The following GSE1 variants were observed in gnomAD, a reference collection of about 807,000 sequenced individuals.
The protein encoded by GSE1 is genetic suppressor element 1.
GSE1 carries 32 observed loss-of-function variants against 112.6 expected under a neutral mutation model. The ratio of observed to expected loss-of-function variants is 0.28; its 90% CI spans 0.21 to 0.38. GSE1 has a LOEUF of 0.38. GSE1 is among the 10% of genes least tolerant of loss of function. GSE1 has a pLI of 1.00. For synonymous variants in GSE1, 1,115 were observed against 735.6 expected (o/e 1.52, Z -8.35); for missense variants, 2,348 against 1,699.2 (o/e 1.38, Z -6.71).
chr16:85,188,181 T>C (rs559585529), intron 1 of GSE1, among the ~76,000 whole-genome samples: 1 of 152,246 alleles, frequency 6.6e-6, no homozygotes, highest in Admixed American at 6.5e-5. Context: ...CCAGTGCTCA[T>C]CTGAGAGACG....
In GSE1 at chr16:85,663,464, A is replaced by G. The variant is rs139274094; in HGVS notation, c.2494A>G (p.Ile832Val). The change falls in exon 11 of 16, where the codon ATT becomes GTT. Residue 832 changes from isoleucine (I) to valine (V), a missense_variant. Physicochemically the swap from Ile to Val is conservative, Grantham distance 29 (BLOSUM62 3). Coordinates refer to ENST00000253458, the MANE Select transcript of GSE1 (RefSeq NM_014615.5). Reference sequence around the variant, plus strand: ...AGAGAGAAGCCCGTCGCCCCCAACAATTCAGAGCAAGCGGCAGACGCCTTC... The same window carrying G: ...AGAGAGAAGCCCGTCGCCCCCAACAGTTCAGAGCAAGCGGCAGACGCCTTC... Reference protein sequence around the residue: ...LRERSPSPPTIQSKRQTPSPR... With the variant: ...LRERSPSPPTVQSKRQTPSPR... 2.5e-6 allele frequency: 4 copies of G among 1,613,806 alleles called. No homozygotes were observed. The highest frequency in any genetic ancestry group is 3.4e-6 in the Non-Finnish European group (4 of 1,180,028).
At chr16:85,536,988 T>C (rs2044352066) in intron 2 of GSE1, among the ~76,000 whole-genome samples, 1 of 152,120 alleles carries the variant, frequency 6.6e-6, no homozygotes, top group Admixed American at 6.5e-5. Flanking sequence ...CATTGAGCCT[T>C]CCGGCCAGCA....
In GSE1 at chr16:85,665,963, T is replaced by C; in HGVS notation, c.2759-13T>C. The C allele has an allele frequency of 1.9e-6, 3 of 1,612,412 alleles. No homozygotes were observed. Among genetic ancestry groups the C allele is most frequent in the South Asian group, 1.1e-5 (1 of 91,076 alleles). On this transcript the variant is annotated splice_polypyrimidine_tract_variant and intron_variant, in intron 12 of 15. Coordinates refer to ENST00000253458, the MANE Select transcript of GSE1 (RefSeq NM_014615.5). ...GCATTTCTTAATATTTTCCTTCACT[T>C]TGTCTCTAAAAGAACCAGCCACGCA...
intron 3 of GSE1, among the ~76,000 whole-genome samples, chr16:85,651,737 C>T (rs1254926328): frequency 3.3e-5 from 5 of 152,210 alleles, no homozygotes; most frequent in African/African-American, 7.2e-5. Context: ...CCCTGGCTGT[C>T]GTCTCCCTCC....
chr16:85,499,512 G>A (rs1279638864), intron 2 of GSE1, among the ~76,000 whole-genome samples: 12 of 151,762 alleles, frequency 7.9e-5, no homozygotes, highest in Middle Eastern at 3.4e-3. Context: ...GGATTTCACC[G>A]TGTTAGGATG....
rs1056916216 is a variant in GSE1, at chr16:85,179,467, G to C, written c.2283+7660G>C. ...GAATCATGCCACTGTGAACACGCAT[G>C]GGCAAGTGTTCACAGATGTCTTCAT... On this transcript the variant is annotated intron_variant, in intron 1 of 2. Transcript: ENST00000637419. 2.0e-5 allele frequency among the ~76,000 whole-genome samples: 3 copies of C among 152,196 alleles called. No individual in the cohort carries two copies. The East Asian group carries it at 5.8e-4, about 29-fold the overall frequency.
chr16:85,661,368 G>A lies in GSE1; in HGVS notation c.1863G>A (p.Pro621=), dbSNP rs561646232. The change falls in exon 9 of 16, where the codon CCG becomes CCA. Residue 621 remains proline, a synonymous_variant. Coordinates refer to ENST00000253458, the MANE Select transcript of GSE1 (RefSeq NM_014615.5). ...AFEPSRQAAV[P]LVKVERVFCP... ...AGCCCAGCCGCCAGGCAGCCGTGCCGCTGGTGAAGGTGGAGCGGGTCTTCT... is the reference window on the plus strand; with the variant it reads ...AGCCCAGCCGCCAGGCAGCCGTGCCACTGGTGAAGGTGGAGCGGGTCTTCT... 77 of 1,612,236 alleles carry A rather than the reference G, an allele frequency of 4.8e-5. No homozygotes were observed. The highest frequency in any genetic ancestry group is 1.5e-4 in the African/African-American group (11 of 75,056).
chr16:85,376,754 G>C (rs1211638425), intron 2 of GSE1, among the ~76,000 whole-genome samples: 1 of 152,212 alleles, frequency 6.6e-6, no homozygotes, highest in African/African-American at 2.4e-5. Context: ...GTGAGAGGGG[G>C]CTTTGCTGGG....
At chr16:85,279,729 G>A (rs11644953) in intron 1 of GSE1, among the ~76,000 whole-genome samples, 22,537 of 152,116 alleles carry the variant, frequency 0.15, 1,935 homozygotes, top group Admixed American at 0.25. Flanking sequence ...ACCTGAGCCC[G>A]TAAGCCTTGT....
At chr16:85,589,966 C>T (rs967875975) in intron 1 of GSE1, among the ~76,000 whole-genome samples, 1 of 151,330 alleles carries the variant, frequency 6.6e-6, no homozygotes, top group African/African-American at 2.4e-5. Flanking sequence ...TGAGAGTGAT[C>T]GTGTGGTGTG....
chr16:85,411,546 T>C (rs1461549796), intron 2 of GSE1, among the ~76,000 whole-genome samples: 85 of 11,496 alleles, frequency 7.4e-3, no homozygotes, highest in African/African-American at 0.017. Context: ...AGGGCCCCCC[T>C]GGATAATCCT....
intron 1 of GSE1, among the ~76,000 whole-genome samples, chr16:85,206,817 G>A (rs949351137): frequency 3.7e-4 from 55 of 149,560 alleles, no homozygotes; most frequent in African/African-American, 1.2e-3. Flanking sequence ...CTGGCCCCCC[G>A]CCAGCCCAGC....
chr16:85,299,135 C>A (rs1423643421), intron 1 of GSE1, among the ~76,000 whole-genome samples: 2 of 152,200 alleles, frequency 1.3e-5, no homozygotes, highest in Non-Finnish European at 2.9e-5. Flanking sequence ...CAGTCAAATC[C>A]CATGTCCGTA....
At chr16:85,280,513 A>G (rs1291119655) in intron 1 of GSE1, among the ~76,000 whole-genome samples, 4 of 152,134 alleles carry the variant, frequency 2.6e-5, no homozygotes, top group African/African-American at 9.7e-5. Context: ...CTCCTGCCTC[A>G]GCCTCTCGAG....
At chr16:85,372,646 A>G (rs1232914088) in intron 2 of GSE1, among the ~76,000 whole-genome samples, 1 of 152,158 alleles carries the variant, frequency 6.6e-6, no homozygotes, top group Non-Finnish European at 1.5e-5. Context: ...CCCGTCAAGG[A>G]GTCTGTGGAG....
At chr16:85,515,953 C>T (rs1261057482) in intron 2 of GSE1, among the ~76,000 whole-genome samples, 1 of 152,122 alleles carries the variant, frequency 6.6e-6, no homozygotes, top group Non-Finnish European at 1.5e-5. Context: ...GCACCGCACA[C>T]GTTGGGCAGG....
intron 2 of GSE1, among the ~76,000 whole-genome samples, chr16:85,550,777 G>A (rs917683874): frequency 2.2e-4 from 34 of 152,224 alleles, no homozygotes; most frequent in African/African-American, 2.4e-4. Flanking sequence ...AGACAGCCCC[G>A]CTAGAGGGAG....
rs138414481 is a variant in GSE1, at chr16:85,525,612, G to A, written c.2465-108302G>A. On this transcript the variant is annotated intron_variant, in intron 2 of 2. Transcript: ENST00000637419. ...CCCACATGCCTGAGGACCAGTTAAC[G>A]TCACAGAGCCCAGACTACAGAGTTA... Among the ~76,000 whole-genome samples, 9 of 152,314 alleles carry A rather than the reference G, an allele frequency of 5.9e-5. No individual in the cohort carries two copies. The East Asian group carries it at 7.7e-4, about 13-fold the overall frequency.
At chr16:85,602,378 A>G (rs7204474) in intron 1 of GSE1, among the ~76,000 whole-genome samples, 12,305 of 152,252 alleles carry the variant, frequency 0.081, 1,563 homozygotes, top group African/African-American at 0.27. Flanking sequence ...ATCAGGGAAC[A>G]GGGACCCAGA....
Sources: gnomAD v4.1 joint callset for allele counts (sites outside exome capture counted in the v4.1 genomes callset) on GRCh38, gnomAD v4.1.1 for gene constraint, MANE v1.5 for transcripts, NCBI Gene and HGNC (gene_info 2026-07-23, HGNC 2026-07-21) for gene names.